Variants in ESCO2 observed in about 807,000 individuals in gnomAD.
ESCO2 encodes N-acetyltransferase ESCO2.
A neutral mutation model predicts 61.7 loss-of-function variants in ESCO2; 51 were observed. The ratio of observed to expected loss-of-function variants is 0.83; its 90% confidence interval spans 0.66 to 1.04. The LOEUF is 1.04. Among genes scored for constraint, ESCO2 ranks in the 50% least tolerant of loss-of-function variants. The pLI is 0.00. For synonymous variants in ESCO2, 230 were observed against 238.2 expected, an observed-to-expected ratio of 0.97 and a Z score of 0.32; for missense variants, 692 against 686.2, an observed-to-expected ratio of 1.01 and a Z score of -0.09.
At chr8:27,775,941 A>G (rs1322107116) in intron 2 of ESCO2, among the ~76,000 whole-genome samples, 1 of 152,202 alleles carries the variant, frequency 6.6e-6, no homozygotes, top group African/African-American at 2.4e-5. Flanking sequence ...TCTGGAAACA[A>G]TTCTAGAAAG....
At chr8:27,793,732 G>GC (rs1265917022) in intron 9 of ESCO2, among the ~76,000 whole-genome samples, 1 of 152,002 alleles carries the variant, frequency 6.6e-6, no homozygotes, top group African/African-American at 2.4e-5. Context: ...TGATCCACCT[G>GC]CCTCAGCCTC....
At chr8:27,816,534 G>A (rs539160479), downstream of ESCO2, among the ~76,000 whole-genome samples, 23 of 151,156 alleles carry the variant, frequency 1.5e-4, no homozygotes, top group African/African-American at 5.3e-4. Context: ...CCGCCACCAC[G>A]CCTGGTTAAT....
Position 27,784,027 on chromosome 8 carries a change from T to C in ESCO2, c.983T>C (p.Ile328Thr). 3.7e-6 allele frequency: 6 copies of C among 1,613,672 alleles called. No individual in the cohort carries two copies. Among genetic ancestry groups the C allele is most frequent in the Non-Finnish European group, 5.1e-6 (6 of 1,179,688 alleles). ...TCTCCTAAGTCCACTGTCTATCCAA[T>C]CTTCAGTGCATCTTCAGTCAATTCA... Reference protein sequence around the residue: ...TISPKSTVYPIFSASSVNSKR... With the variant: ...TISPKSTVYPTFSASSVNSKR... The change falls in exon 5 of 11, where the codon ATC (isoleucine) becomes ACC (threonine). Residue 328 changes from isoleucine (I) to threonine (T), a missense_variant. Transcript: ENST00000305188.
intron 9 of ESCO2, among the ~76,000 whole-genome samples, chr8:27,796,213 T>G (rs1045273571): frequency 2.6e-5 from 4 of 152,094 alleles, no homozygotes; most frequent in African/African-American, 9.6e-5. Context: ...GTTACCTAAT[T>G]TGTTGATATA....
At chr8:27,778,748 C>CT (rs1563470139) in intron 3 of ESCO2, 2 of 152,028 alleles carry the variant, frequency 1.3e-5, no homozygotes, top group Non-Finnish European at 2.9e-5. Context: ...GTCTTATTTT[C>CT]TTTTTCTTAG....
chr8:27,807,917 C>T (rs948847449), downstream of ESCO2, among the ~76,000 whole-genome samples: 1 of 152,100 alleles, frequency 6.6e-6, no homozygotes, highest in Non-Finnish European at 1.5e-5. Flanking sequence ...TTGCTCTGTC[C>T]ACCATGTAAA....
downstream of ESCO2, chr8:27,811,306 T>C (rs536690334): frequency 4.2e-5 from 26 of 622,270 alleles, no homozygotes; most frequent in Middle Eastern, 1.5e-3. Flanking sequence ...ACCTTTCAGG[T>C]TGGTAAATAT....
In ESCO2 at chr8:27,798,494, T is replaced by C. The variant is rs558479669; in HGVS notation, c.1498-1047T>C. Among the ~76,000 whole-genome samples the C allele has an allele frequency of 2.0e-5, 3 of 150,624 alleles. No individual in the cohort carries two copies. The South Asian group carries it at 6.3e-4, about 31-fold the overall frequency. ...AAAAAAACTAAACATGTATTTACTA[T>C]ATGATCCAGCCATTGTTCTCCTGGG... On this transcript the variant is annotated intron_variant, in intron 9 of 10. Coordinates refer to ENST00000305188, the MANE Select transcript of ESCO2 (RefSeq NM_001017420.3).
In ESCO2 at chr8:27,792,724, T is replaced by C. The variant is rs1202724793; in HGVS notation, c.1410T>C (p.Pro470=). 3.1e-6 allele frequency: 5 copies of C among 1,612,242 alleles called. No individual in the cohort carries two copies. Among genetic ancestry groups the C allele is most frequent in the Non-Finnish European group, 4.2e-6 (5 of 1,179,458 alleles). ...DNELGFQQVV[P]KCPNKIKTFL... is the part of the protein sequence containing the mutation. The stretch of plus-strand genomic sequence containing the variant: ...AATTGGGCTTCCAGCAAGTTGTTCC[T>C]AAATGTCCAAACAAAATAAAAACTT... The change falls in exon 9 of 11, where the codon CCT becomes CCC. Residue 470 remains proline, a synonymous_variant. Transcript: ENST00000305188.
chr8:27,788,720 A>T, intron 6 of ESCO2, 127 bp from the exon 7 acceptor site: 2 of 1,123,054 alleles, frequency 1.8e-6, no homozygotes, highest in South Asian at 1.3e-5. Context: ...ATTTTCATTT[A>T]GTTTTTCACT....
intron 3 of ESCO2, chr8:27,777,686 T>C (rs1340828313): frequency 1.3e-5 from 2 of 152,428 alleles, no homozygotes; most frequent in Non-Finnish European, 2.9e-5. Context: ...GTTGCTGACC[T>C]CCTGTTTATA....
At chr8:27,797,085 C>T (rs1805314067) in intron 9 of ESCO2, among the ~76,000 whole-genome samples, 1 of 152,032 alleles carries the variant, frequency 6.6e-6, no homozygotes, top group Non-Finnish European at 1.5e-5. Flanking sequence ...GCACTCCGCT[C>T]AGGGCAATAG....
intron 6 of ESCO2, 44 bp downstream of exon 6, chr8:27,788,046 A>G (rs1719646893): frequency 6.9e-7 from 1 of 1,458,280 alleles, no homozygotes; most frequent in Non-Finnish European, 9.6e-7. Flanking sequence ...AGCCCTTTGC[A>G]GAAAAGCTTG....
chr8:27,780,205 A>ATTTT lies in ESCO2; in HGVS notation c.893_894insTTTT (p.Glu298AspfsTer4). 3 of 1,612,044 alleles carry ATTTT rather than the reference A, an allele frequency of 1.9e-6. No individual in the cohort carries two copies. The highest frequency in any genetic ancestry group is 2.5e-6 in the Non-Finnish European group (3 of 1,178,622). On this transcript the variant is annotated frameshift_variant, in exon 4 of 11. Coordinates refer to ENST00000305188, the MANE Select transcript of ESCO2 (RefSeq NM_001017420.3). LOFTEE classifies it high-confidence loss of function. ...TCAGATGACAGAGTTTCTTCAAAGGAACATAAAGTTGATAAAAATGAGGCT... is the reference window on the plus strand; with the variant it reads ...TCAGATGACAGAGTTTCTTCAAAGGATTTTACATAAAGTTGATAAAAATGAGGCT...
chr8:27,786,620 C>T (rs1382591352), intron 5 of ESCO2, among the ~76,000 whole-genome samples: 1 of 152,216 alleles, frequency 6.6e-6, no homozygotes. Flanking sequence ...GTGTATCTCT[C>T]ACACAGCAAG....
At chr8:27,786,199 G>A (rs1272617555) in intron 5 of ESCO2, among the ~76,000 whole-genome samples, 7 of 152,206 alleles carry the variant, frequency 4.6e-5, no homozygotes, top group African/African-American at 9.6e-5. Context: ...GGGACTGAAC[G>A]AAGGTGGACG....
At chr8:27,778,056 A>C (rs560783349) in intron 3 of ESCO2, 1 of 152,236 alleles carries the variant, frequency 6.6e-6, no homozygotes, top group African/African-American at 2.4e-5. Flanking sequence ...TGGCCTACAT[A>C]ATTTAAAAGT....
chr8:27,789,308 T>C (rs1021661579), intron 7 of ESCO2, among the ~76,000 whole-genome samples: 2 of 152,182 alleles, frequency 1.3e-5, no homozygotes, highest in African/African-American at 2.4e-5. Flanking sequence ...TAAACACCTT[T>C]CAAGTCCAAA....
At chr8:27,779,990 C>T (rs1804886326) in intron 3 of ESCO2, 184 bp from the exon 4 acceptor site, 6 of 551,494 alleles carry the variant, frequency 1.1e-5, no homozygotes, top group East Asian at 3.3e-5. Context: ...AGGTAATGTA[C>T]GCTTAGTGAA....
Sources: gnomAD v4.1 joint callset for allele counts (sites outside exome capture counted in the v4.1 genomes callset) on GRCh38, gnomAD v4.1.1 for gene constraint, MANE v1.5 for transcripts, NCBI Gene and HGNC (gene_info 2026-07-23, HGNC 2026-07-21) for gene names.